BCLAF3: variants seen among roughly 807,000 people sequenced by gnomAD.
The protein encoded by BCLAF3 is BCLAF1 and THRAP3 family member 3, also known as transient octamer binding factor 1.
BCLAF3 carries 24 observed loss-of-function variants against 51.2 expected under a neutral mutation model. The ratio of observed to expected loss-of-function variants is 0.47; its 90% CI spans 0.34 to 0.66. The LOEUF is 0.66. Among genes scored for constraint, BCLAF3 ranks in the 30% least tolerant of loss-of-function variants. The pLI is 0.01. For synonymous variants in BCLAF3, 152 were observed against 176.6 expected (o/e 0.86, Z 1.10); for missense variants, 465 against 525.1 (o/e 0.89, Z 1.12).
chrX:19,980,562 T>C (rs1229925497), intron 1 of BCLAF3, among the ~76,000 whole-genome samples: 1 of 112,289 alleles, frequency 8.9e-6, no homozygotes, highest in Non-Finnish European at 1.9e-5. Flanking sequence ...AAAGGACTGA[T>C]TGTGAGCATT....
chrX:19,977,042 A>G (rs1296532391), intron 1 of BCLAF3, among the ~76,000 whole-genome samples: 1 of 111,765 alleles, frequency 8.9e-6, no homozygotes, highest in Admixed American at 9.5e-5. Flanking sequence ...GGGCACCATG[A>G]ACCATGCCCT....
chrX:19,917,065 T>A lies in BCLAF3; in HGVS notation c.*240A>T, dbSNP rs752830285. 3.1e-4 allele frequency: 115 copies of A among 369,831 alleles called. No homozygotes were observed. Among genetic ancestry groups the A allele is most frequent in the African/African-American group, 2.7e-3 (101 of 37,642 alleles). The allele number at this position is 369,831 out of a possible 1,213,427, so 30.5% of individuals were successfully genotyped here. A position where few individuals can be genotyped will look rare whatever the true frequency, so the allele number is the denominator to read the frequency against. ...TCAACAAATAATGCCCTTCAAGTGA[T>A]TCTTTTGAGACTTTTTGCAAAGGAA... On this transcript the variant is annotated 3_prime_UTR_variant, in exon 12 of 12. Coordinates refer to ENST00000379682, the MANE Select transcript of BCLAF3 (RefSeq NM_001367774.2).
chrX:19,974,952 A>C (rs2072375478), intron 1 of BCLAF3, among the ~76,000 whole-genome samples: 1 of 112,263 alleles, frequency 8.9e-6, no homozygotes, highest in South Asian at 3.7e-4. Context: ...CATATAAATT[A>C]TACCTCAAAG....
chrX:19,935,905 GA>G lies in BCLAF3; in HGVS notation c.1861-8del, dbSNP rs765715738. On this transcript the variant is annotated splice_region_variant and splice_polypyrimidine_tract_variant and intron_variant, in intron 9 of 11. Transcript: ENST00000379682. Reference sequence around the variant, plus strand: ...TTCTCTGCGTAGTATAATTCTGCACGAAAAAAAGTAGTAGTGTGGGTTAACA... The same window carrying G: ...TTCTCTGCGTAGTATAATTCTGCACGAAAAAAGTAGTAGTGTGGGTTAACA... The G allele has an allele frequency of 6.0e-6, 7 of 1,174,018 alleles. No individual in the cohort carries two copies. The highest frequency in any genetic ancestry group is 5.4e-5 in the African/African-American group (3 of 55,938).
chrX:19,931,380 A>T (rs1263003359), intron 10 of BCLAF3, among the ~76,000 whole-genome samples: 1 of 111,787 alleles, frequency 8.9e-6, no homozygotes, highest in Non-Finnish European at 1.9e-5. Flanking sequence ...AACAGATGGG[A>T]GCAGTGGTGC....
intron 4 of BCLAF3, among the ~76,000 whole-genome samples, chrX:19,962,585 G>A (rs2071896614): frequency 8.9e-6 from 1 of 112,137 alleles, no homozygotes; most frequent in Admixed American, 9.4e-5. Context: ...AATGTATAAG[G>A]TATCTAAATG....
At chrX:19,962,829 A>G (rs1046039141) in intron 4 of BCLAF3, among the ~76,000 whole-genome samples, 4 of 111,892 alleles carry the variant, frequency 3.6e-5, no homozygotes, top group African/African-American at 1.3e-4. Context: ...TCATGCCTGT[A>G]ATCCTAGTGC....
intron 1 of BCLAF3, among the ~76,000 whole-genome samples, chrX:19,980,340 AGGTGAG>A (rs1205712151): frequency 8.9e-6 from 1 of 112,561 alleles, no homozygotes; most frequent in Admixed American, 9.4e-5. Flanking sequence ...ATACAAAGCA[AGGTGAG>A]AAACAGCAGC....
At chrX:19,990,713 C>A (rs1163211633) in intron 1 of BCLAF3, among the ~76,000 whole-genome samples, 195 bp downstream of exon 1, 2 of 112,894 alleles carry the variant, frequency 1.8e-5, no homozygotes, top group African/African-American at 6.4e-5. Context: ...CGCGCCGGGT[C>A]GCCGCGCCCA....
chrX:19,975,398 C>G (rs760222540), intron 1 of BCLAF3, among the ~76,000 whole-genome samples: 6 of 106,904 alleles, frequency 5.6e-5, no homozygotes, highest in Non-Finnish European at 9.6e-5. Context: ...GGGTGGAGTG[C>G]AGTGCTGCGA....
rs1483585426 is a variant in BCLAF3, at chrX:19,949,623, TC to T, written c.1745+1129del. Among the ~76,000 whole-genome samples, 3 of 112,042 alleles carry T rather than the reference TC, an allele frequency of 2.7e-5. No individual in the cohort carries two copies. The East Asian group carries it at 8.4e-4, about 31-fold the overall frequency. On this transcript the variant is annotated intron_variant, in intron 8 of 11. Coordinates refer to ENST00000379682, the MANE Select transcript of BCLAF3 (RefSeq NM_001367774.2). ...AGCAAGGGACAACATTTTTACTCTT[TC>T]ATTTTCAATTGTTTTATATACCTCA...
At chrX:19,970,425 A>G (rs2072219825) in intron 1 of BCLAF3, 127 bp from the exon 2 acceptor site, 1 of 503,808 alleles carries the variant, frequency 2.0e-6, no homozygotes, top group Non-Finnish European at 3.4e-6. Flanking sequence ...CATGGAAATG[A>G]TAATAATAGC....
intron 4 of BCLAF3, among the ~76,000 whole-genome samples, chrX:19,964,040 G>A (rs2071956001): frequency 9.0e-6 from 1 of 111,415 alleles, no homozygotes; most frequent in African/African-American, 3.3e-5. Flanking sequence ...AAAGAAAAAG[G>A]AACAAAAAAT....
intron 7 of BCLAF3, among the ~76,000 whole-genome samples, chrX:19,952,250 AATT>A (rs1350334964): frequency 1.8e-5 from 2 of 111,937 alleles, no homozygotes; most frequent in African/African-American, 6.5e-5. Context: ...GTTCAGCAAA[AATT>A]ATAATCATTT....
chrX:19,923,656 T>C (rs2070253288), intron 11 of BCLAF3, among the ~76,000 whole-genome samples: 1 of 110,579 alleles, frequency 9.0e-6, no homozygotes, highest in Non-Finnish European at 1.9e-5. Flanking sequence ...TTTCCCCTCA[T>C]CCCCGAGTCA....
Position 19,948,969 on chromosome X carries a change from A to C in BCLAF3, c.1745+1784T>G, listed in dbSNP as rs371250634. On this transcript the variant is annotated intron_variant, in intron 8 of 11. Coordinates refer to ENST00000379682, the MANE Select transcript of BCLAF3 (RefSeq NM_001367774.2). ...GGAATTAGATAGTAATGATGGTTGC[A>C]TAAGTTTGTTAATATACTAAAAACT... 1.1e-4 allele frequency among the ~76,000 whole-genome samples: 12 copies of C among 110,789 alleles called. No individual in the cohort carries two copies. The East Asian group carries it at 1.7e-3, about 16-fold the overall frequency.
rs987292183 is a variant in BCLAF3 at position 19,984,875 on chromosome X, C to T, written c.-35+6033G>A. Among the ~76,000 whole-genome samples the T allele has an allele frequency of 9.9e-5, 11 of 110,841 alleles. 1 individual carries two copies. Among genetic ancestry groups the T allele is most frequent in the Admixed American group, 6.7e-4 (7 of 10,395 alleles). Reference sequence around the variant, plus strand: ...TAATTTTGTATTTTTTTAGTAGAGACGGGGTTTCTCCATGTTGGTCAGGCT... The same window carrying T: ...TAATTTTGTATTTTTTTAGTAGAGATGGGGTTTCTCCATGTTGGTCAGGCT... On this transcript the variant is annotated intron_variant, in intron 1 of 11. Transcript: ENST00000379682.
intron 11 of BCLAF3, among the ~76,000 whole-genome samples, chrX:19,923,561 A>G (rs919384787): frequency 4.5e-5 from 5 of 111,692 alleles, no homozygotes; most frequent in Non-Finnish European, 9.4e-5. Context: ...GCAACCATCA[A>G]TCACCACAAT....
intron 4 of BCLAF3, among the ~76,000 whole-genome samples, chrX:19,959,121 T>A (rs1000240583): frequency 2.7e-5 from 3 of 112,302 alleles, no homozygotes; most frequent in Non-Finnish European, 5.6e-5. Flanking sequence ...ACCACACAGG[T>A]CAAAGTTCAT....
Sources: gnomAD v4.1 joint callset for allele counts (sites outside exome capture counted in the v4.1 genomes callset) on GRCh38, gnomAD v4.1.1 for gene constraint, MANE v1.5 for transcripts, NCBI Gene and HGNC (gene_info 2026-07-23, HGNC 2026-07-21) for gene names.